Variants in POFUT3 observed in about 807,000 individuals in gnomAD.
POFUT3 encodes the protein protein O-fucosyltransferase 3.
chr8:33,356,755 G>A, the POFUT3 span, among the ~76,000 whole-genome samples: 3 of 152,126 alleles, frequency 2.0e-5, no homozygotes, highest in Non-Finnish European at 4.4e-5. Context: ...CCATGCCTAT[G>A]TCCTGAATGG....
At chr8:33,366,395 C>CA in the POFUT3 span, among the ~76,000 whole-genome samples, 1 of 151,202 alleles carries the variant, frequency 6.6e-6, no homozygotes, top group African/African-American at 2.4e-5. Context: ...CCCTAGAACT[C>CA]AAAGTATATT....
At chr8:33,424,057 T>G in the POFUT3 span, among the ~76,000 whole-genome samples, 3 of 151,686 alleles carry the variant, frequency 2.0e-5, no homozygotes, top group African/African-American at 7.3e-5. Flanking sequence ...GAGACTTGCT[T>G]GAACCCAGGA....
the POFUT3 span, among the ~76,000 whole-genome samples, chr8:33,415,954 A>C: frequency 2.0e-5 from 3 of 152,260 alleles, no homozygotes; most frequent in African/African-American, 7.2e-5. Context: ...AAATAAAAAC[A>C]ATCAAAAATC....
the POFUT3 span, among the ~76,000 whole-genome samples, chr8:33,464,951 C>A: frequency 6.6e-6 from 1 of 152,154 alleles, no homozygotes. Context: ...AGTACCTTTG[C>A]TCCTACTTAG....
the POFUT3 span, among the ~76,000 whole-genome samples, chr8:33,379,591 A>C: frequency 6.6e-6 from 1 of 151,896 alleles, no homozygotes; most frequent in African/African-American, 2.4e-5. Flanking sequence ...TAATCTCAGC[A>C]CTTTGGGAGG....
chr8:33,381,011 C>T, the POFUT3 span, among the ~76,000 whole-genome samples: 3,210 of 150,992 alleles, frequency 0.021, 113 homozygotes, highest in African/African-American at 0.074. Context: ...GTGACATGCA[C>T]CTGTAATCTT....
At chr8:33,332,379 T>G in the POFUT3 span, among the ~76,000 whole-genome samples, 2 of 151,412 alleles carry the variant, frequency 1.3e-5, no homozygotes, top group South Asian at 4.2e-4. Flanking sequence ...TAGTCCCAGC[T>G]ACTTGGGAGG....
chr8:33,408,285 A>C, the POFUT3 span, among the ~76,000 whole-genome samples: 45,517 of 151,074 alleles, frequency 0.3, 6,916 homozygotes, highest in South Asian at 0.44. Flanking sequence ...GATCACACCA[A>C]CGCACTCCAG....
chr8:33,337,705 T>C, the POFUT3 span, among the ~76,000 whole-genome samples: 1 of 152,190 alleles, frequency 6.6e-6, no homozygotes, highest in East Asian at 1.9e-4. Flanking sequence ...CTAGATGAGA[T>C]GGATGAATTC....
At chr8:33,326,937 G>A in the POFUT3 span, among the ~76,000 whole-genome samples, 11 of 152,302 alleles carry the variant, frequency 7.2e-5, no homozygotes, top group South Asian at 2.3e-3. Context: ...CCCATGCCCA[G>A]CTAATTTTAT....
At chr8:33,442,679 C>T in the POFUT3 span, among the ~76,000 whole-genome samples, 2 of 151,196 alleles carry the variant, frequency 1.3e-5, no homozygotes, top group Admixed American at 6.6e-5. Context: ...AGGCTGGTCT[C>T]GAACTCTTGG....
chr8:33,408,845 GA>G, the POFUT3 span, among the ~76,000 whole-genome samples: 1 of 152,068 alleles, frequency 6.6e-6, no homozygotes, highest in Admixed American at 6.6e-5. Context: ...TGGAGTAAAG[GA>G]AAGGTTCTAT....
the POFUT3 span, among the ~76,000 whole-genome samples, chr8:33,382,000 T>C: frequency 6.6e-6 from 1 of 152,186 alleles, no homozygotes; most frequent in Non-Finnish European, 1.5e-5. Flanking sequence ...GTTTGTTTAA[T>C]AAAGAAAATA....
At chr8:33,426,161 T>A in the POFUT3 span, among the ~76,000 whole-genome samples, 64 of 152,220 alleles carry the variant, frequency 4.2e-4, no homozygotes, top group South Asian at 8.3e-4. Flanking sequence ...CACCTCAGCC[T>A]CCCAAAGTGG....
chr8:33,431,480 A>G, the POFUT3 span, among the ~76,000 whole-genome samples: 1 of 127,912 alleles, frequency 7.8e-6, no homozygotes, highest in Non-Finnish European at 1.6e-5. Context: ...CCTGGGAGGC[A>G]GAGGTTGCAG....
chr8:33,442,240 C>G, the POFUT3 span, among the ~76,000 whole-genome samples: 3 of 151,606 alleles, frequency 2.0e-5, no homozygotes, highest in African/African-American at 7.3e-5. Context: ...GCTGGGATTG[C>G]AGGCATGAGC....
the POFUT3 span, among the ~76,000 whole-genome samples, chr8:33,362,846 A>G: frequency 1.3e-5 from 2 of 152,250 alleles, no homozygotes; most frequent in African/African-American, 4.8e-5. Flanking sequence ...CCCACTCTCA[A>G]TATTAGACAG....
the POFUT3 span, chr8:33,451,655 T>G: frequency 6.6e-6 from 1 of 151,902 alleles, no homozygotes; most frequent in Non-Finnish European, 1.5e-5. Flanking sequence ...TATGAACATA[T>G]ATATACATAT....
At chr8:33,330,830 G>A in the POFUT3 span, among the ~76,000 whole-genome samples, 1 of 152,040 alleles carries the variant, frequency 6.6e-6, no homozygotes, top group Non-Finnish European at 1.5e-5. Context: ...TCCCAGGCGT[G>A]CCATGGTGTT....
Sources: gnomAD v4.1 joint callset for allele counts (sites outside exome capture counted in the v4.1 genomes callset) on GRCh38, gnomAD v4.1.1 for gene constraint, MANE v1.5 for transcripts, NCBI Gene and HGNC (gene_info 2026-07-23, HGNC 2026-07-21) for gene names.